Variants in PDE4D observed in about 807,000 individuals in gnomAD.
PDE4D encodes the protein 3',5'-cyclic-AMP phosphodiesterase 4D.
Under a neutral mutation model 87.4 loss-of-function variants are expected in PDE4D, and 24 were observed. The ratio of observed to expected loss-of-function variants is 0.27; its 90% confidence interval spans 0.20 to 0.39. The LOEUF is 0.39. Among genes scored for constraint, PDE4D ranks in the 10% least tolerant of loss-of-function variants. The pLI is 1.00. For missense variants in PDE4D, 714 were observed against 1,041.0 expected, an observed-to-expected ratio of 0.69 and a Z score of 4.32; for synonymous variants, 384 against 383.2, an observed-to-expected ratio of 1.00 and a Z score of -0.02.
intron 1 of PDE4D, among the ~76,000 whole-genome samples, chr5:59,435,642 T>A (rs893057451): frequency 1.3e-5 from 2 of 152,146 alleles, no homozygotes; most frequent in Non-Finnish European, 2.9e-5. Context: ...CCCCATGACT[T>A]TTCTTGAGGG....
intron 1 of PDE4D, among the ~76,000 whole-genome samples, chr5:59,702,647 T>C (rs1327790117): frequency 2.6e-5 from 4 of 151,930 alleles, no homozygotes; most frequent in African/African-American, 4.8e-5. Context: ...GGCAGGAAGA[T>C]GGCTTGAGTC....
chr5:60,498,338 A>T (rs150755044), intron 1 of PDE4D, among the ~76,000 whole-genome samples: 46 of 152,210 alleles, frequency 3.0e-4, no homozygotes, highest in Non-Finnish European at 5.7e-4. Context: ...CAGTCCACTG[A>T]CTCCCTGGGC....
At chr5:59,247,235 A>G (rs886535018) in intron 1 of PDE4D, among the ~76,000 whole-genome samples, 1 of 152,192 alleles carries the variant, frequency 6.6e-6, no homozygotes, top group African/African-American at 2.4e-5. Context: ...GAACTCATTA[A>G]TGACACATGT....
At chr5:60,468,515 C>T (rs1438807216) in intron 1 of PDE4D, among the ~76,000 whole-genome samples, 1 of 152,034 alleles carries the variant, frequency 6.6e-6, no homozygotes, top group Non-Finnish European at 1.5e-5. Flanking sequence ...TCATTGCCCA[C>T]TCAACAAAAA....
At chr5:59,089,130 C>G (rs185874638) in intron 5 of PDE4D, among the ~76,000 whole-genome samples, 17 of 152,202 alleles carry the variant, frequency 1.1e-4, no homozygotes, top group African/African-American at 4.1e-4. Context: ...GTATGGAAAA[C>G]CTGAGTGTTA....
chr5:60,211,564 T>G (rs977198975), intron 1 of PDE4D, among the ~76,000 whole-genome samples: 2 of 149,668 alleles, frequency 1.3e-5, no homozygotes, highest in African/African-American at 4.9e-5. Flanking sequence ...TATATTGTGT[T>G]TATTACGCGT....
intron 1 of PDE4D, among the ~76,000 whole-genome samples, chr5:60,400,011 G>A (rs539255846): frequency 1.3e-5 from 2 of 152,322 alleles, no homozygotes; most frequent in Non-Finnish European, 2.9e-5. Context: ...GTAACAGCAA[G>A]GGCATCAGGC....
intron 1 of PDE4D, among the ~76,000 whole-genome samples, chr5:59,578,563 C>T (rs1469585172): frequency 6.6e-6 from 1 of 151,988 alleles, no homozygotes; most frequent in African/African-American, 2.4e-5. Context: ...GACCTTTTTC[C>T]AACTTGTTTG....
At chr5:59,794,672 A>G (rs1766248198) in intron 1 of PDE4D, among the ~76,000 whole-genome samples, 1 of 152,192 alleles carries the variant, frequency 6.6e-6, no homozygotes, top group South Asian at 2.1e-4. Flanking sequence ...AAAAATCTCA[A>G]GTGAAAATAT....
At position 60,280,327 on chromosome 5, in the gene PDE4D, A is replaced by ATATATAT. The variant is rs1444768310; in HGVS notation, c.-89-94641_-89-94640insATATATA. ...CTATATACATACATATATATATATA[A>ATATATAT]ATATATATACACACATATATATAAA... On this transcript the variant is annotated intron_variant, in intron 1 of 16. Transcript: ENST00000502484. Among the ~76,000 whole-genome samples the ATATATAT allele has an allele frequency of 8.7e-3, 1,247 of 142,554 alleles. 12 individuals carry two copies. The highest frequency in any genetic ancestry group is 0.036 in the East Asian group (184 of 5,070). The allele number at this position is 142,554 out of a possible 152,430, so 93.5% of individuals were successfully genotyped here. A position where few individuals can be genotyped will look rare whatever the true frequency, so the allele number is the denominator to read the frequency against.
At chr5:59,793,745 T>A (rs1045717737) in intron 1 of PDE4D, among the ~76,000 whole-genome samples, 2 of 152,232 alleles carry the variant, frequency 1.3e-5, no homozygotes, top group African/African-American at 4.8e-5. Context: ...TTAGACCTTC[T>A]GATCAACACC....
chr5:60,159,599 A>G (rs1478810510), intron 2 of PDE4D, among the ~76,000 whole-genome samples: 1 of 152,240 alleles, frequency 6.6e-6, no homozygotes, highest in East Asian at 1.9e-4. Flanking sequence ...AGCTGACAAT[A>G]GGAATTTTTC....
At chr5:60,309,922 A>T (rs564315550) in intron 1 of PDE4D, among the ~76,000 whole-genome samples, 1 of 152,360 alleles carries the variant, frequency 6.6e-6, no homozygotes, top group African/African-American at 2.4e-5. Flanking sequence ...ATTTTAATAC[A>T]GAAATCCTTG....
chr5:60,345,012 TA>T (rs1239005002), intron 1 of PDE4D, among the ~76,000 whole-genome samples: 2 of 148,416 alleles, frequency 1.3e-5, no homozygotes, highest in African/African-American at 4.9e-5. Context: ...TGCAATCTTT[TA>T]ATTTTTTGTC....
At chr5:59,232,184 C>T (rs1006864900) in intron 1 of PDE4D, among the ~76,000 whole-genome samples, 1 of 151,818 alleles carries the variant, frequency 6.6e-6, no homozygotes, top group Non-Finnish European at 1.5e-5. Context: ...TATATTAAAA[C>T]CAAAAATCTC....
intron 1 of PDE4D, among the ~76,000 whole-genome samples, chr5:59,631,849 G>GGAA: frequency 6.7e-6 from 1 of 150,352 alleles, no homozygotes; most frequent in African/African-American, 2.4e-5. Context: ...GCTAGCTGCA[G>GGAA]TTTTTTTTTC....
intron 1 of PDE4D, among the ~76,000 whole-genome samples, chr5:60,243,173 T>C (rs570475519): frequency 6.6e-6 from 1 of 152,144 alleles, no homozygotes; most frequent in African/African-American, 2.4e-5. Flanking sequence ...AAAGGATCGT[T>C]AGTGGCTACT....
chr5:59,978,851 T>C (rs938740020), intron 3 of PDE4D, among the ~76,000 whole-genome samples: 8 of 152,230 alleles, frequency 5.3e-5, no homozygotes, highest in Non-Finnish European at 8.8e-5. Context: ...TCATGAACAT[T>C]GAGGCAAGAC....
chr5:59,671,852 A>C (rs2150332156), intron 1 of PDE4D, among the ~76,000 whole-genome samples: 1 of 152,000 alleles, frequency 6.6e-6, no homozygotes, highest in Non-Finnish European at 1.5e-5. Context: ...TTTCAAAGAA[A>C]CCCTTTACAT....
Sources: allele counts gnomAD v4.1 joint callset (sites outside exome capture counted in the v4.1 genomes callset), GRCh38; gene constraint gnomAD v4.1.1; transcripts MANE v1.5; gene names NCBI Gene and HGNC (gene_info 2026-07-23, HGNC 2026-07-21).